The following PTK2 variants were observed in gnomAD, a reference collection of about 807,000 sequenced individuals.
PTK2 encodes protein tyrosine kinase 2, also known as focal adhesion kinase 1.
Under a neutral mutation model 150.1 loss-of-function variants are expected in PTK2, and 45 were observed. That is an observed-to-expected ratio of 0.30 (90% CI 0.24 to 0.38). The LOEUF (loss-of-function observed/expected upper bound fraction) is 0.38, where lower values mean the gene tolerates loss of function less well. PTK2 is among the 10% of genes least tolerant of loss of function. PTK2 has a pLI of 1.00. For missense variants in PTK2, 919 were observed against 1,307.3 expected, an observed-to-expected ratio of 0.70 and a Z score of 4.58; for synonymous variants, 432 against 449.2, an observed-to-expected ratio of 0.96 and a Z score of 0.48.
At chr8:140,750,938 C>A (rs969616221) in intron 17 of PTK2, among the ~76,000 whole-genome samples, 1 of 152,024 alleles carries the variant, frequency 6.6e-6, no homozygotes, top group Admixed American at 6.6e-5. Context: ...AACAAAAAAA[C>A]CAACCAACCA....
intron 19 of PTK2, among the ~76,000 whole-genome samples, chr8:140,744,364 C>G (rs930210905): frequency 2.0e-5 from 3 of 152,054 alleles, no homozygotes; most frequent in African/African-American, 7.2e-5. Context: ...GAATAAGTGA[C>G]CTGAAAGTAT....
chr8:140,819,855 A>G (rs549691628), intron 8 of PTK2, among the ~76,000 whole-genome samples: 5 of 152,228 alleles, frequency 3.3e-5, no homozygotes, highest in Admixed American at 3.3e-4. Context: ...ACTTAAACAC[A>G]TGGAAATCTG....
chr8:140,757,514 T>C (rs760820804), intron 16 of PTK2, among the ~76,000 whole-genome samples: 22 of 152,038 alleles, frequency 1.4e-4, no homozygotes, highest in Non-Finnish European at 3.2e-4. Context: ...CAATTATCTG[T>C]TATCTTTGAT....
At chr8:140,861,773 T>A (rs369309380) in intron 5 of PTK2, among the ~76,000 whole-genome samples, 4 of 152,204 alleles carry the variant, frequency 2.6e-5, no homozygotes, top group East Asian at 1.9e-4. Flanking sequence ...AGCTATTATA[T>A]ACAGAACAAG....
chr8:140,858,470 C>T (rs1240276400), intron 5 of PTK2, among the ~76,000 whole-genome samples: 5 of 150,798 alleles, frequency 3.3e-5, no homozygotes, highest in Non-Finnish European at 7.4e-5. Context: ...AAATCCACGA[C>T]TCGTTTGTAA....
chr8:140,791,966 G>A (rs956486862), intron 13 of PTK2, among the ~76,000 whole-genome samples: 1 of 152,216 alleles, frequency 6.6e-6, no homozygotes, highest in Non-Finnish European at 1.5e-5. Context: ...AAGAGCAAGA[G>A]TAGGTCATGT....
intron 26 of PTK2, among the ~76,000 whole-genome samples, chr8:140,688,040 G>A (rs1448775694): frequency 1.3e-5 from 2 of 152,114 alleles, no homozygotes; most frequent in Admixed American, 6.5e-5. Context: ...CAGTCCTCAG[G>A]GATTCCATAT....
chr8:140,757,535 C>T (rs1191742665), intron 16 of PTK2, among the ~76,000 whole-genome samples: 3 of 151,910 alleles, frequency 2.0e-5, no homozygotes, highest in Non-Finnish European at 4.4e-5. Context: ...TAAAAAAAAC[C>T]CTTTTATAAC....
chr8:140,942,431 C>G (rs1197620419), intron 1 of PTK2, among the ~76,000 whole-genome samples: 1 of 152,134 alleles, frequency 6.6e-6, no homozygotes, highest in African/African-American at 2.4e-5. Flanking sequence ...TATACAATCT[C>G]ATTATACAAA....
intron 1 of PTK2, among the ~76,000 whole-genome samples, chr8:140,937,775 A>G (rs1177152332): frequency 6.6e-6 from 1 of 152,142 alleles, no homozygotes; most frequent in Non-Finnish European, 1.5e-5. Flanking sequence ...CTACAATGTA[A>G]TCTTTCCATA....
At chr8:140,960,186 ACT>A (rs2100182634) in intron 1 of PTK2, among the ~76,000 whole-genome samples, 1 of 121,540 alleles carries the variant, frequency 8.2e-6, no homozygotes, top group African/African-American at 3.0e-5. Context: ...GCAATTTTAA[ACT>A]TTTTTTTTTT....
intron 2 of PTK2, among the ~76,000 whole-genome samples, chr8:140,907,725 G>A (rs1299486865): frequency 6.6e-6 from 1 of 152,074 alleles, no homozygotes; most frequent in African/African-American, 2.4e-5. Context: ...TTTCTGTGAT[G>A]CTGATTCATG....
intron 1 of PTK2, among the ~76,000 whole-genome samples, chr8:140,998,860 C>G (rs1589310495): frequency 6.6e-6 from 1 of 152,094 alleles, no homozygotes; most frequent in East Asian, 1.9e-4. Flanking sequence ...ACAATTTCTC[C>G]AACTCCCTAG....
Position 140,668,255 on chromosome 8 carries a change from T to C in PTK2, c.2865+14A>G. ...AGAACATTTTTGCCAGTACACAAAA[T>C]GACTCTATTTTACCTTCACCATAGG... On this transcript the variant is annotated intron_variant, in intron 30 of 31. Coordinates refer to ENST00000522684, the Ensembl canonical transcript of PTK2. 6.2e-7 allele frequency: 1 copy of C among 1,613,968 alleles called. No homozygotes were observed. Among genetic ancestry groups the C allele is most frequent in the Non-Finnish European group, 8.5e-7 (1 of 1,179,920 alleles).
intron 1 of PTK2, among the ~76,000 whole-genome samples, chr8:140,933,223 C>A (rs1194128833): frequency 1.3e-5 from 2 of 150,932 alleles, no homozygotes; most frequent in African/African-American, 2.4e-5. Flanking sequence ...ATTTCTAAAT[C>A]CAAGACAGAT....
At position 140,996,812 on chromosome 8, in the gene PTK2, C is replaced by T. The variant is rs149090817; in HGVS notation, c.-122+4313G>A. 2.7e-4 allele frequency among the ~76,000 whole-genome samples: 41 copies of T among 152,312 alleles called. 1 individual carries two copies. The East Asian group carries it at 7.1e-3, about 27-fold the overall frequency. On this transcript the variant is annotated intron_variant, in intron 1 of 31. Transcript: ENST00000522684. ...GTCCAAGAGCTCTGAGAGAGATGTA[C>T]AAAGAGATCAATGAGGTTTTCATGC...
chr8:140,712,225 A>G (rs888024996), intron 23 of PTK2, among the ~76,000 whole-genome samples: 5 of 151,670 alleles, frequency 3.3e-5, no homozygotes, highest in African/African-American at 1.2e-4. Context: ...TTTCAAAACC[A>G]AACAAACCAA....
chr8:140,659,427 C>G (rs1308806403), exon 32 of PTK2: 2 of 1,558,832 alleles, frequency 1.3e-6, no homozygotes, highest in East Asian at 2.3e-5. Context: ...TAGAGAACAT[C>G]TTCAAAAGAG....
At chr8:140,818,222 A>T in intron 10 of PTK2, 55 bp downstream of exon 10, 1 of 1,463,894 alleles carries the variant, frequency 6.8e-7, no homozygotes, top group Non-Finnish European at 9.6e-7. Context: ...CCATTTCCTT[A>T]ATTTGATTCT....
Sources: gnomAD v4.1 joint callset for allele counts (sites outside exome capture counted in the v4.1 genomes callset) on GRCh38, gnomAD v4.1.1 for gene constraint, MANE v1.5 for transcripts, NCBI Gene and HGNC (gene_info 2026-07-23, HGNC 2026-07-21) for gene names.